RALYL: variants seen among roughly 807,000 people sequenced by gnomAD.
RALYL encodes the protein RNA-binding Raly-like protein.
Under a neutral mutation model 35.1 loss-of-function variants are expected in RALYL, and 29 were observed. That is an observed-to-expected ratio of 0.83 (90% CI 0.61 to 1.13). RALYL has a LOEUF of 1.13. RALYL is among the 50% of genes most tolerant of loss of function. The probability of loss-of-function intolerance (pLI) is 0.00; values close to 1 mark genes in which losing one functional copy is unlikely to be tolerated. For synonymous variants in RALYL, 120 were observed against 127.6 expected, an observed-to-expected ratio of 0.94 and a Z score of 0.40; for missense variants, 359 against 360.4, an observed-to-expected ratio of 1.00 and a Z score of 0.03.
At chr8:84,494,130 A>G (rs2055697131) in intron 1 of RALYL, among the ~76,000 whole-genome samples, 1 of 152,118 alleles carries the variant, frequency 6.6e-6, no homozygotes, top group African/African-American at 2.4e-5. Flanking sequence ...ATGGCTAGCC[A>G]GTTTTCCCAG....
intron 2 of RALYL, among the ~76,000 whole-genome samples, chr8:84,749,922 C>A (rs1809546167): frequency 6.6e-6 from 1 of 152,162 alleles, no homozygotes; most frequent in South Asian, 2.1e-4. Context: ...GATGTGGAAC[C>A]CTGAGAGGCA....
intron 8 of RALYL, among the ~76,000 whole-genome samples, chr8:84,895,854 A>G (rs566700589): frequency 3.9e-5 from 6 of 152,098 alleles, no homozygotes; most frequent in Admixed American, 1.3e-4. Context: ...CATGCATTTA[A>G]TTTTGGTGAC....
At chr8:84,618,980 C>T (rs1470854333) in intron 2 of RALYL, among the ~76,000 whole-genome samples, 4 of 143,530 alleles carry the variant, frequency 2.8e-5, no homozygotes, top group African/African-American at 1.1e-4. Context: ...AATTTGTGTT[C>T]TTTTACATTT....
At chr8:84,570,908 T>C (rs1807812994) in intron 2 of RALYL, among the ~76,000 whole-genome samples, 2 of 151,866 alleles carry the variant, frequency 1.3e-5, no homozygotes, top group Non-Finnish European at 1.5e-5. Flanking sequence ...TGTTGAACTA[T>C]CCTTGCATGC....
chr8:84,342,075 C>A (rs1380395858), intron 1 of RALYL, among the ~76,000 whole-genome samples: 3 of 150,606 alleles, frequency 2.0e-5, no homozygotes, highest in African/African-American at 4.9e-5. Context: ...ACTGGACTGA[C>A]AAGATAAATG....
chr8:84,500,031 A>G (rs941633420), intron 1 of RALYL, among the ~76,000 whole-genome samples: 2 of 152,168 alleles, frequency 1.3e-5, no homozygotes, highest in Non-Finnish European at 2.9e-5. Context: ...TGCTGGCATT[A>G]TAAGCATGAG....
intron 2 of RALYL, among the ~76,000 whole-genome samples, chr8:84,553,842 T>C (rs1204327321): frequency 6.6e-6 from 1 of 152,182 alleles, no homozygotes; most frequent in Non-Finnish European, 1.5e-5. Context: ...ATATCTATGT[T>C]AATATTTAAA....
intron 1 of RALYL, among the ~76,000 whole-genome samples, chr8:84,453,237 G>C (rs1435487167): frequency 2.0e-5 from 3 of 151,700 alleles, no homozygotes; most frequent in African/African-American, 7.3e-5. Context: ...TATATAATTA[G>C]AGCTCTTGGC....
intron 1 of RALYL, among the ~76,000 whole-genome samples, chr8:84,268,968 C>T (rs557122368): frequency 2.7e-4 from 41 of 152,168 alleles, no homozygotes; most frequent in Non-Finnish European, 5.3e-4. Flanking sequence ...GTCACTATAA[C>T]ATGCCCACTA....
intron 1 of RALYL, among the ~76,000 whole-genome samples, chr8:84,211,368 C>G (rs1398967388): frequency 6.6e-6 from 1 of 152,106 alleles, no homozygotes; most frequent in Admixed American, 6.6e-5. Flanking sequence ...GCTTTCCACT[C>G]GCAGCTTGGA....
intron 1 of RALYL, among the ~76,000 whole-genome samples, chr8:84,299,209 G>T (rs1007848932): frequency 2.6e-5 from 4 of 151,710 alleles, no homozygotes; most frequent in Non-Finnish European, 5.9e-5. Context: ...AGCCTTTTCT[G>T]CATCTATTAA....
chr8:84,291,037 A>T (rs1267769557), intron 1 of RALYL, among the ~76,000 whole-genome samples: 1 of 152,180 alleles, frequency 6.6e-6, no homozygotes, highest in Non-Finnish European at 1.5e-5. Context: ...TCTAAAATAA[A>T]CACTATTCTA....
At position 84,714,491 on chromosome 8, in the gene RALYL, TTA is replaced by T. The variant is rs201841781; in HGVS notation, c.257-60075_257-60074del. On this transcript the variant is annotated intron_variant, in intron 2 of 8. Coordinates refer to ENST00000521268, the MANE Select transcript of RALYL (RefSeq NM_173848.7). ...CACAATATGTACATATATGAAAACATTATATATATATATAATTTTTATTAATC... is the reference window on the plus strand; with the variant it reads ...CACAATATGTACATATATGAAAACATTATATATATATAATTTTTATTAATC... 9.8e-4 allele frequency among the ~76,000 whole-genome samples: 148 copies of T among 150,686 alleles called. 1 individual carries two copies. Among genetic ancestry groups the T allele is most frequent in the Non-Finnish European group, 1.5e-3 (100 of 67,454 alleles).
intron 2 of RALYL, among the ~76,000 whole-genome samples, chr8:84,727,562 G>T (rs1194726592): frequency 6.6e-6 from 1 of 151,532 alleles, no homozygotes; most frequent in East Asian, 1.9e-4. Context: ...ATGCTGGTGC[G>T]CTGCACCCAC....
At chr8:84,667,468 A>G (rs936972198) in intron 2 of RALYL, among the ~76,000 whole-genome samples, 4 of 152,106 alleles carry the variant, frequency 2.6e-5, no homozygotes, top group African/African-American at 9.7e-5. Flanking sequence ...CTGATTGACT[A>G]GTTATGCTGC....
intron 1 of RALYL, among the ~76,000 whole-genome samples, chr8:84,198,001 A>G (rs1013591158): frequency 1.3e-5 from 2 of 152,148 alleles, no homozygotes; most frequent in Non-Finnish European, 2.9e-5. Context: ...GAATTAATTA[A>G]TTAGTGAAGT....
chr8:84,735,845 A>AGAGAGAGAGAGAAC (rs1334894005), intron 2 of RALYL, among the ~76,000 whole-genome samples: 5 of 150,496 alleles, frequency 3.3e-5, no homozygotes, highest in African/African-American at 1.2e-4. Flanking sequence ...AGAGAGAGAG[A>AGAGAGAGAGAGAAC]GAGAACGAGA....
intron 3 of RALYL, among the ~76,000 whole-genome samples, chr8:84,796,498 A>G (rs1346288): frequency 0.28 from 42,023 of 152,100 alleles, 6,283 homozygotes; most frequent in African/African-American, 0.37. Context: ...AAGAATACTG[A>G]TAGGATTATG....
chr8:84,244,376 T>C (rs1828639771), intron 1 of RALYL, among the ~76,000 whole-genome samples: 1 of 152,206 alleles, frequency 6.6e-6, no homozygotes, highest in Admixed American at 6.6e-5. Flanking sequence ...GCAAACAGTG[T>C]ACATGAGGTT....
Sources: gnomAD v4.1 joint callset for allele counts (sites outside exome capture counted in the v4.1 genomes callset) on GRCh38, gnomAD v4.1.1 for gene constraint, MANE v1.5 for transcripts, NCBI Gene and HGNC (gene_info 2026-07-23, HGNC 2026-07-21) for gene names.